TMEM144: variants seen among roughly 807,000 people sequenced by gnomAD.
TMEM144 encodes the protein transmembrane protein 144.
TMEM144 carries 39 observed loss-of-function variants against 43.6 expected under a neutral mutation model. The observed-to-expected ratio is 0.90, with a 90% CI of 0.69 to 1.17. The LOEUF (loss-of-function observed/expected upper bound fraction) is 1.17. Among genes scored for constraint, TMEM144 ranks in the 50% most tolerant of loss-of-function variants. TMEM144 has a pLI of 0.00. For synonymous variants in TMEM144, 154 were observed against 133.6 expected (o/e 1.15, Z -1.06); for missense variants, 417 against 411.9 (o/e 1.01, Z -0.11).
intron 4 of TMEM144, among the ~76,000 whole-genome samples, chr4:158,215,977 TA>T (rs11403544): frequency 6.6e-6 from 1 of 151,972 alleles, no homozygotes; most frequent in Admixed American, 6.6e-5. Flanking sequence ...AAAACTTTAT[TA>T]AAAAAATTAA....
At chr4:158,216,789 A>G (rs1734243875) in intron 4 of TMEM144, among the ~76,000 whole-genome samples, 1 of 152,142 alleles carries the variant, frequency 6.6e-6, no homozygotes, top group South Asian at 2.1e-4. Context: ...ATGGAATCCT[A>G]AAGAGGTAAC....
At chr4:158,233,772 C>T (rs1421058274) in intron 7 of TMEM144, 1 of 152,246 alleles carries the variant, frequency 6.6e-6, no homozygotes, top group African/African-American at 2.4e-5. Flanking sequence ...TTTCCTTCTT[C>T]CCCTATCCAA....
At chr4:158,234,910 G>A (rs1325520096) in intron 7 of TMEM144, 1 of 152,744 alleles carries the variant, frequency 6.5e-6, no homozygotes, top group Non-Finnish European at 1.5e-5. Flanking sequence ...TGAAACCACA[G>A]AAAGTGAAAG....
intron 6 of TMEM144, among the ~76,000 whole-genome samples, chr4:158,231,699 C>T (rs1053586965): frequency 6.6e-6 from 1 of 151,474 alleles, no homozygotes; most frequent in African/African-American, 2.4e-5. Flanking sequence ...AAGTGCAAGT[C>T]GTTGTGAAAA....
chr4:158,223,232 T>C (rs1268515326), intron 6 of TMEM144, among the ~76,000 whole-genome samples: 1 of 152,208 alleles, frequency 6.6e-6, no homozygotes, highest in East Asian at 1.9e-4. Context: ...TAACATGTTT[T>C]CAGATTTTAT....
At chr4:158,250,402 A>G (rs1736142838) in intron 12 of TMEM144, among the ~76,000 whole-genome samples, 1 of 152,084 alleles carries the variant, frequency 6.6e-6, no homozygotes, top group African/African-American at 2.4e-5. Flanking sequence ...CAAGACCTTT[A>G]AGGAAGTGTG....
chr4:158,232,853 A>G lies in TMEM144; in HGVS notation c.414-48A>G, dbSNP rs758671020. 3.8e-6 allele frequency: 5 copies of G among 1,303,216 alleles called. No individual in the cohort carries two copies. In the African/African-American group the frequency reaches 4.4e-5, roughly 12 times the overall value. 80.7% of individuals were successfully genotyped at this position (1,303,216 alleles called of 1,614,324 possible). A position where few individuals can be genotyped will look rare whatever the true frequency, so the allele number is the denominator to read the frequency against. On this transcript the variant is annotated intron_variant, in intron 6 of 12. Coordinates refer to ENST00000296529, the MANE Select transcript of TMEM144 (RefSeq NM_018342.5). Reference sequence around the variant, plus strand: ...TTTCTTAAAAATCAAGCAGCTTGATATAAACCAGTATTATGATAAATATCA... The same window carrying G: ...TTTCTTAAAAATCAAGCAGCTTGATGTAAACCAGTATTATGATAAATATCA...
intron 12 of TMEM144, among the ~76,000 whole-genome samples, chr4:158,251,482 C>T (rs1736201727): frequency 6.6e-6 from 1 of 152,206 alleles, no homozygotes; most frequent in Non-Finnish European, 1.5e-5. Flanking sequence ...TCCCAGGCAG[C>T]AGTTTCACAT....
In TMEM144 at chr4:158,254,053, T is replaced by C. The variant is rs1235323154; in HGVS notation, c.*526T>C. 1.3e-5 allele frequency: 2 copies of C among 152,300 alleles called. No homozygotes were observed. The highest frequency in any genetic ancestry group is 2.9e-5 in the Non-Finnish European group (2 of 68,090). The allele number at this position is 152,300 out of a possible 1,614,324, so 9.4% of individuals were successfully genotyped here. A position where few individuals can be genotyped will look rare whatever the true frequency, so the allele number is the denominator to read the frequency against. On this transcript the variant is annotated 3_prime_UTR_variant, in exon 13 of 13. Coordinates refer to ENST00000296529, the MANE Select transcript of TMEM144 (RefSeq NM_018342.5). The stretch of plus-strand genomic sequence containing the variant: ...AAATGTTAAAAAGGCCATTTTATTA[T>C]TGTTAGCCAAAACTTCTGTTTATTT...
At chr4:158,250,910 T>C (rs892767379) in intron 12 of TMEM144, among the ~76,000 whole-genome samples, 1 of 152,130 alleles carries the variant, frequency 6.6e-6, no homozygotes, top group Non-Finnish European at 1.5e-5. Flanking sequence ...ATTTGGGTAG[T>C]GTGAGGCTAT....
intron 6 of TMEM144, among the ~76,000 whole-genome samples, chr4:158,232,307 G>C (rs1390050153): frequency 3.3e-5 from 5 of 152,176 alleles, no homozygotes; most frequent in Admixed American, 6.5e-5. Context: ...TCAGAGCATA[G>C]AGATCATCAT....
chr4:158,224,816 G>A (rs537488641), intron 6 of TMEM144, among the ~76,000 whole-genome samples: 8 of 152,246 alleles, frequency 5.3e-5, no homozygotes, highest in Non-Finnish European at 7.4e-5. Flanking sequence ...CACTTTGCAG[G>A]GGTTGGCGAA....
chr4:158,249,270 T>G (rs1168558246), intron 12 of TMEM144, among the ~76,000 whole-genome samples: 1 of 152,226 alleles, frequency 6.6e-6, no homozygotes, highest in African/African-American at 2.4e-5. Context: ...ATTAAATCTT[T>G]AAGCTAGATA....
At chr4:158,218,412 T>G (rs1470920222) in intron 5 of TMEM144, among the ~76,000 whole-genome samples, 1 of 152,124 alleles carries the variant, frequency 6.6e-6, no homozygotes, top group African/African-American at 2.4e-5. Flanking sequence ...ACTCAAAGCA[T>G]TATAACCACC....
chr4:158,238,791 G>T (rs982486149), intron 9 of TMEM144, among the ~76,000 whole-genome samples: 2 of 152,154 alleles, frequency 1.3e-5, no homozygotes, highest in Non-Finnish European at 2.9e-5. Flanking sequence ...GAGCACAGAT[G>T]TTCTTGGTAC....
At chr4:158,212,518 G>A (rs1734008500) in intron 2 of TMEM144, 90 bp from the exon 3 acceptor site, 1 of 560,572 alleles carries the variant, frequency 1.8e-6, no homozygotes. Context: ...GTCTTAGCGT[G>A]CTTTTGAAAA....
intron 12 of TMEM144, among the ~76,000 whole-genome samples, chr4:158,251,339 T>A (rs896941649): frequency 3.9e-5 from 6 of 152,142 alleles, no homozygotes; most frequent in Non-Finnish European, 8.8e-5. Flanking sequence ...GCAGAGCCAA[T>A]GCCCTTAATC....
chr4:158,226,204 A>G (rs2111118135), intron 6 of TMEM144, among the ~76,000 whole-genome samples: 1 of 152,362 alleles, frequency 6.6e-6, no homozygotes, highest in East Asian at 1.9e-4. Flanking sequence ...TTTTTATACC[A>G]GATAAGCTAA....
At position 158,212,664 on chromosome 4, in the gene TMEM144, A is replaced by G. The variant is rs1334050585; in HGVS notation, c.-4A>G. The G allele has an allele frequency of 1.2e-6, 2 of 1,604,354 alleles. No individual in the cohort carries two copies. Among genetic ancestry groups the G allele is most frequent in the African/African-American group, 2.7e-5 (2 of 74,536 alleles). On this transcript the variant is annotated 5_prime_UTR_variant, in exon 3 of 13. Coordinates refer to ENST00000296529, the MANE Select transcript of TMEM144 (RefSeq NM_018342.5). The stretch of plus-strand genomic sequence containing the variant: ...GAACCAGCTAACTCATTAAGACTGG[A>G]ATCATGAGCAACAATGGAGCAGACC...
Sources: gnomAD v4.1 joint callset for allele counts (sites outside exome capture counted in the v4.1 genomes callset) on GRCh38, gnomAD v4.1.1 for gene constraint, MANE v1.5 for transcripts, NCBI Gene and HGNC (gene_info 2026-07-23, HGNC 2026-07-21) for gene names.